The following RHOBTB1 variants were observed in gnomAD, a reference collection of about 807,000 sequenced individuals.
RHOBTB1 encodes the protein Rho related BTB domain containing 1, also known as rho-related BTB domain-containing protein 1.
In RHOBTB1, 40 loss-of-function variants were observed where a neutral mutation model predicts 71.6. That is an observed-to-expected ratio of 0.56 (90% CI 0.43 to 0.73). The LOEUF (loss-of-function observed/expected upper bound fraction) is 0.73, where lower values mean the gene tolerates loss of function less well. Ranked by LOEUF, RHOBTB1 falls within the 30% of genes least tolerant of loss-of-function variation. The pLI is 0.00. For missense variants in RHOBTB1, 797 were observed against 894.0 expected, an observed-to-expected ratio of 0.89 and a Z score of 1.38; for synonymous variants, 319 against 334.9, an observed-to-expected ratio of 0.95 and a Z score of 0.52.
chr10:60,961,645 G>C (rs1450839010), intron 2 of RHOBTB1, among the ~76,000 whole-genome samples: 1 of 152,000 alleles, frequency 6.6e-6, no homozygotes, highest in Non-Finnish European at 1.5e-5. Flanking sequence ...TCTTAGAGAT[G>C]GGGGGACTTA....
intron 8 of RHOBTB1, among the ~76,000 whole-genome samples, chr10:60,875,288 C>T (rs2080998967): frequency 6.6e-6 from 1 of 152,192 alleles, no homozygotes; most frequent in Non-Finnish European, 1.5e-5. Flanking sequence ...AGCCAGAATC[C>T]TCCAGTCCTG....
Position 60,870,950 on chromosome 10 carries a change from A to T in RHOBTB1, c.*532T>A, listed in dbSNP as rs997092791. 1 of 152,664 alleles carries T rather than the reference A, an allele frequency of 6.6e-6. No individual in the cohort carries two copies. The highest frequency in any genetic ancestry group is 2.4e-5 in the African/African-American group (1 of 41,450). The allele number at this position is 152,664 out of a possible 1,614,324, so 9.5% of individuals were successfully genotyped here. ...AAAGATTAAACACTCTCCAATTTGCACTTTGGGAGATTTCAGTCCCCTCCT... is the reference window on the plus strand; with the variant it reads ...AAAGATTAAACACTCTCCAATTTGCTCTTTGGGAGATTTCAGTCCCCTCCT... On this transcript the variant is annotated 3_prime_UTR_variant, in exon 11 of 11. Transcript: ENST00000337910.
At chr10:60,868,577 G>C (rs540442726), downstream of RHOBTB1, among the ~76,000 whole-genome samples, 1 of 152,156 alleles carries the variant, frequency 6.6e-6, no homozygotes, top group South Asian at 2.1e-4. Context: ...AGAAACATTG[G>C]ACTTTTGCTT....
At chr10:60,943,891 T>G (rs1244662707) in intron 1 of RHOBTB1, 80 bp downstream of exon 1, 1 of 151,984 alleles carries the variant, frequency 6.6e-6, no homozygotes, top group Non-Finnish European at 1.5e-5. Flanking sequence ...TGCCACCCGC[T>G]GGGGCCGGGG....
intron 2 of RHOBTB1, among the ~76,000 whole-genome samples, chr10:60,935,886 T>G (rs2084551798): frequency 6.6e-6 from 1 of 152,198 alleles, no homozygotes; most frequent in African/African-American, 2.4e-5. Context: ...AACTCTGTGC[T>G]CAGCCACATC....
intron 2 of RHOBTB1, among the ~76,000 whole-genome samples, chr10:60,957,755 T>G (rs1010733207): frequency 6.6e-6 from 1 of 152,184 alleles, no homozygotes; most frequent in African/African-American, 2.4e-5. Context: ...CCAATGGTAA[T>G]GATATTTATT....
Position 60,871,131 on chromosome 10 carries a change from T to G in RHOBTB1, c.*351A>C. ...TTTCAACAAAATACAACAGACCATA[T>G]AAAAATATTTTCCAATCTGGAATCA... On this transcript the variant is annotated 3_prime_UTR_variant, in exon 11 of 11. Transcript: ENST00000337910. 5.1e-6 allele frequency: 1 copy of G among 195,482 alleles called. No homozygotes were observed. Among genetic ancestry groups the G allele is most frequent in the Admixed American group, 5.8e-5 (1 of 17,248 alleles). The allele number at this position is 195,482 out of a possible 1,614,324, so 12.1% of individuals were successfully genotyped here.
intron 4 of RHOBTB1, among the ~76,000 whole-genome samples, chr10:60,904,117 G>C (rs892852189): frequency 9.9e-5 from 15 of 151,688 alleles, no homozygotes; most frequent in Non-Finnish European, 1.2e-4. Context: ...CTAATTTTTT[G>C]TATTTTTTTA....
chr10:60,911,472 G>C lies in RHOBTB1; in HGVS notation c.71C>G (p.Ala24Gly), dbSNP rs866604965. ...ACAGATCAAGCGCGTCTTCCCCACG[G>C]CATTGTCACCCACGACCACACATTT... Reference protein sequence around the residue: ...TIKCVVVGDNAVGKTRLICAR... With the variant: ...TIKCVVVGDNGVGKTRLICAR... Residue 24 changes from alanine (A) to glycine (G), a missense_variant, in exon 3 of 11, where the codon GCC becomes GGC. Physicochemically the swap from Ala to Gly is moderately conservative, Grantham distance 60. Coordinates refer to ENST00000337910, the MANE Select transcript of RHOBTB1 (RefSeq NM_014836.5). 6.2e-7 allele frequency: 1 copy of C among 1,614,172 alleles called. No homozygotes were observed. The highest frequency in any genetic ancestry group is 1.1e-5 in the South Asian group (1 of 91,080).
rs372972105 is a variant in RHOBTB1 at position 60,927,010 on chromosome 10, T to C, written c.-11+14794A>G. Among the ~76,000 whole-genome samples the C allele has an allele frequency of 1.1e-4, 16 of 152,166 alleles. 1 individual carries two copies. In the East Asian group the frequency reaches 2.3e-3, roughly 22 times the overall value. The stretch of plus-strand genomic sequence containing the variant: ...TCCCACAAAAAACTATCAGAACTGA[T>C]AAATAGTAAAGTTTCAGGATATGAA... On this transcript the variant is annotated intron_variant, in intron 2 of 10. Transcript: ENST00000337910.
At chr10:60,930,285 G>T (rs1052184700) in intron 2 of RHOBTB1, among the ~76,000 whole-genome samples, 2 of 152,140 alleles carry the variant, frequency 1.3e-5, no homozygotes, top group African/African-American at 4.8e-5. Context: ...TCTGTGAACT[G>T]GGGATAATTA....
chr10:60,981,295 G>A (rs535649690), intron 2 of RHOBTB1, among the ~76,000 whole-genome samples: 22 of 152,258 alleles, frequency 1.4e-4, no homozygotes, highest in South Asian at 4.2e-4. Flanking sequence ...AAATAATAAA[G>A]ATGATGAAAA....
chr10:60,866,946 TG>T (rs1018185125), downstream of RHOBTB1, among the ~76,000 whole-genome samples: 2 of 152,182 alleles, frequency 1.3e-5, no homozygotes, highest in African/African-American at 4.8e-5. Context: ...TCTTCTCTCT[TG>T]GATTTTTGGC....
chr10:60,976,493 G>A (rs998050818), intron 2 of RHOBTB1, among the ~76,000 whole-genome samples: 5 of 151,814 alleles, frequency 3.3e-5, no homozygotes, highest in African/African-American at 7.3e-5. Flanking sequence ...GTACAGCCCC[G>A]TCTTGTTCCT....
At chr10:60,885,776 G>C (rs1309137114) in intron 7 of RHOBTB1, among the ~76,000 whole-genome samples, 1 of 152,158 alleles carries the variant, frequency 6.6e-6, no homozygotes, top group Non-Finnish European at 1.5e-5. Flanking sequence ...ACCATGCCTG[G>C]TGACATTTGC....
chr10:60,915,891 C>T (rs182031141), intron 2 of RHOBTB1, among the ~76,000 whole-genome samples: 30 of 152,330 alleles, frequency 2.0e-4, no homozygotes, highest in African/African-American at 6.7e-4. Context: ...TTCTCTCCTT[C>T]AGTGCCAGTG....
upstream of RHOBTB1, among the ~76,000 whole-genome samples, chr10:60,945,011 T>C (rs2134307698): frequency 6.6e-6 from 1 of 152,262 alleles, no homozygotes. Context: ...CAGAAACTTC[T>C]CTCTCTTCCA....
chr10:60,914,096 G>A (rs955849660), intron 2 of RHOBTB1, among the ~76,000 whole-genome samples: 1 of 152,122 alleles, frequency 6.6e-6, no homozygotes, highest in African/African-American at 2.4e-5. Context: ...ATACAACTTG[G>A]AAGAATTAAC....
chr10:60,916,757 T>G (rs1018711232), intron 2 of RHOBTB1, among the ~76,000 whole-genome samples: 2 of 152,232 alleles, frequency 1.3e-5, no homozygotes, highest in African/African-American at 4.8e-5. Context: ...TGTTCCATTG[T>G]GTGGCATGAG....
Sources: allele counts gnomAD v4.1 joint callset (sites outside exome capture counted in the v4.1 genomes callset), GRCh38; gene constraint gnomAD v4.1.1; transcripts MANE v1.5; gene names NCBI Gene and HGNC (gene_info 2026-07-23, HGNC 2026-07-21).